The following DAW1 variants were observed in gnomAD, a reference collection of about 807,000 sequenced individuals.
The protein encoded by DAW1 is dynein assembly factor with WD repeats 1.
In DAW1, 47 loss-of-function variants were observed where a neutral mutation model predicts 56.5. The ratio of observed to expected loss-of-function variants is 0.83; its 90% confidence interval spans 0.66 to 1.06. The LOEUF is 1.06. DAW1 is among the 50% of genes least tolerant of loss of function. The pLI is 0.00. For missense variants in DAW1, 505 were observed against 499.3 expected (o/e 1.01, Z -0.11); for synonymous variants, 190 against 179.0 (o/e 1.06, Z -0.49).
At chr2:227,885,177 A>G (rs1691095057) in intron 1 of DAW1, among the ~76,000 whole-genome samples, 174 bp from the exon 2 acceptor site, 2 of 152,182 alleles carry the variant, frequency 1.3e-5, no homozygotes, top group East Asian at 3.8e-4. Context: ...GGGAAGGACC[A>G]GGGAAAAGTT....
intron 10 of DAW1, 52 bp from the exon 11 acceptor site, chr2:227,918,728 A>T: frequency 6.3e-7 from 1 of 1,592,732 alleles, no homozygotes; most frequent in East Asian, 2.2e-5. Flanking sequence ...TCTTTTATCC[A>T]AAGTTCTGTA....
At chr2:227,915,748 T>A (rs566413848) in intron 10 of DAW1, among the ~76,000 whole-genome samples, 68 of 152,248 alleles carry the variant, frequency 4.5e-4, no homozygotes, top group African/African-American at 1.5e-3. Flanking sequence ...AAAATATAAT[T>A]GTCTCTGTCA....
At chr2:227,903,638 T>TCTCCCCTTCCTCCCCCC (rs1691604363) in intron 7 of DAW1, among the ~76,000 whole-genome samples, 1 of 124,460 alleles carries the variant, frequency 8.0e-6, no homozygotes, top group African/African-American at 3.3e-5. Flanking sequence ...CATCTGTCAC[T>TCTCCCCTTCCTCCCCCC]CTCCCCTTCC....
chr2:227,922,650 A>G (rs1692139557), intron 12 of DAW1, among the ~76,000 whole-genome samples: 1 of 152,226 alleles, frequency 6.6e-6, no homozygotes, highest in African/African-American at 2.4e-5. Context: ...TCCTTGTCAG[A>G]TAACTTCAGG....
chr2:227,923,684 A>G (rs1277106137), intron 12 of DAW1, among the ~76,000 whole-genome samples: 1 of 152,064 alleles, frequency 6.6e-6, no homozygotes, highest in Non-Finnish European at 1.5e-5. Flanking sequence ...GAAGCCATGA[A>G]TCTTGCTAGT....
intron 5 of DAW1, among the ~76,000 whole-genome samples, chr2:227,895,997 T>C (rs1691398565): frequency 6.6e-6 from 1 of 152,196 alleles, no homozygotes; most frequent in African/African-American, 2.4e-5. Context: ...ATAGACATTT[T>C]ATACTACAGT....
At chr2:227,904,188 A>G (rs142972101) in intron 7 of DAW1, among the ~76,000 whole-genome samples, 1,839 of 152,306 alleles carry the variant, frequency 0.012, 24 homozygotes, top group African/African-American at 0.042. Context: ...ATATTCAACT[A>G]CATTTCATTT....
intron 10 of DAW1, among the ~76,000 whole-genome samples, chr2:227,909,226 G>A (rs1323031293): frequency 1.9e-5 from 2 of 104,080 alleles, no homozygotes; most frequent in Admixed American, 9.6e-5. Flanking sequence ...TAGAAAGGTG[G>A]TGATATTATC....
chr2:227,885,081 T>C (rs1280496399), intron 1 of DAW1, among the ~76,000 whole-genome samples: 1 of 152,196 alleles, frequency 6.6e-6, no homozygotes, highest in Non-Finnish European at 1.5e-5. Flanking sequence ...CTGAAACCTA[T>C]AGCCAGTCTA....
intron 1 of DAW1, among the ~76,000 whole-genome samples, chr2:227,874,171 G>A (rs1228846321): frequency 6.6e-6 from 1 of 152,116 alleles, no homozygotes; most frequent in Non-Finnish European, 1.5e-5. Context: ...GTTGTGGAGT[G>A]TAGGTTAAGA....
At chr2:227,890,985 A>G (rs1020076078) in intron 3 of DAW1, among the ~76,000 whole-genome samples, 1 of 152,226 alleles carries the variant, frequency 6.6e-6, no homozygotes, top group Non-Finnish European at 1.5e-5. Context: ...GTCATAATAC[A>G]TTGTCAAATC....
intron 5 of DAW1, among the ~76,000 whole-genome samples, chr2:227,894,770 G>C (rs1162653311): frequency 6.6e-6 from 1 of 152,204 alleles, no homozygotes; most frequent in Non-Finnish European, 1.5e-5. Flanking sequence ...ATGACACACT[G>C]CTGATTCCCA....
intron 10 of DAW1, among the ~76,000 whole-genome samples, chr2:227,910,495 A>AAC (rs55741229): frequency 0.091 from 13,234 of 145,088 alleles, 1,206 homozygotes; most frequent in African/African-American, 0.23. Flanking sequence ...TTTGTGGATG[A>AAC]ACACACACAC....
chr2:227,911,249 T>TATATACACATGTATATATAC (rs1691810346), intron 10 of DAW1, among the ~76,000 whole-genome samples: 1 of 142,798 alleles, frequency 7.0e-6, no homozygotes, highest in African/African-American at 2.7e-5. Context: ...CATATATACA[T>TATATACACATGTATATATAC]ATATACACGT....
chr2:227,882,031 C>T (rs534540864), intron 1 of DAW1, among the ~76,000 whole-genome samples: 5 of 152,134 alleles, frequency 3.3e-5, no homozygotes, highest in South Asian at 2.1e-4. Context: ...GGATTACAGG[C>T]GTGAGCCACT....
intron 2 of DAW1, among the ~76,000 whole-genome samples, chr2:227,886,446 G>A (rs1691132558): frequency 6.6e-6 from 1 of 152,022 alleles, no homozygotes; most frequent in Non-Finnish European, 1.5e-5. Context: ...AGGAAACTCC[G>A]TCTCTACTAA....
chr2:227,883,281 C>T (rs565197910), intron 1 of DAW1, among the ~76,000 whole-genome samples: 1 of 152,284 alleles, frequency 6.6e-6, no homozygotes, highest in East Asian at 1.9e-4. Context: ...AGCTTACCAA[C>T]AGTAAGAGTT....
chr2:227,916,173 A>G (rs1691948696), intron 10 of DAW1, among the ~76,000 whole-genome samples: 1 of 152,120 alleles, frequency 6.6e-6, no homozygotes, highest in Non-Finnish European at 1.5e-5. Context: ...CTAATATGTA[A>G]TCATCTCCTT....
rs201846880 is a variant in DAW1 at position 227,889,917 on chromosome 2, C to T, written c.175C>T (p.Arg59Ter). ...QKAEPLLTAS[R>*]TEQVKLLIQR... ...GGCAGAACCTCTACTCACAGCTTCA[C>T]GAACAGAGCAAGTCAAACTTTTGAT... The change falls in exon 3 of 13, where the codon CGA (arginine) becomes TGA (stop). Residue 59 changes from arginine to a stop codon, truncating the protein, a stop_gained. Transcript: ENST00000309931. LOFTEE classifies it high-confidence loss of function. The T allele has an allele frequency of 2.8e-5, 45 of 1,610,422 alleles. No homozygotes were observed. The highest frequency in any genetic ancestry group is 1.9e-4 in the African/African-American group (14 of 74,802).
Sources: gnomAD v4.1 joint callset for allele counts (sites outside exome capture counted in the v4.1 genomes callset) on GRCh38, gnomAD v4.1.1 for gene constraint, MANE v1.5 for transcripts, NCBI Gene and HGNC (gene_info 2026-07-23, HGNC 2026-07-21) for gene names.